Variants in ALK observed in about 807,000 individuals in gnomAD.
The protein encoded by ALK is ALK receptor tyrosine kinase, also known as ALK tyrosine kinase receptor.
A neutral mutation model predicts 163.1 loss-of-function variants in ALK; 74 were observed. The observed-to-expected ratio is 0.45, with a 90% confidence interval of 0.38 to 0.55. The LOEUF is 0.55. Ranked by LOEUF, ALK falls within the 20% of genes least tolerant of loss-of-function variation. ALK has a pLI of 0.00. For missense variants in ALK, 2,063 were observed against 2,105.3 expected, an observed-to-expected ratio of 0.98 and a Z score of 0.39; for synonymous variants, 960 against 843.2, an observed-to-expected ratio of 1.14 and a Z score of -2.40.
chr2:29,299,206 C>A (rs1451117838), intron 8 of ALK, among the ~76,000 whole-genome samples: 1 of 152,164 alleles, frequency 6.6e-6, no homozygotes. Context: ...AAGTGCCTCT[C>A]CCTCTCCACT....
At chr2:29,288,925 C>T (rs1200163633) in intron 9 of ALK, among the ~76,000 whole-genome samples, 1 of 141,342 alleles carries the variant, frequency 7.1e-6, no homozygotes, top group Non-Finnish European at 1.5e-5. Flanking sequence ...GCACTCCAGC[C>T]TGGGCGACAG....
At chr2:29,298,189 T>C (rs6738332) in intron 8 of ALK, among the ~76,000 whole-genome samples, 138,917 of 152,278 alleles carry the variant, frequency 0.91, 64,124 homozygotes, top group Non-Finnish European at 0.98. Context: ...AGGGACTGAT[T>C]TACTTCTGAG....
intron 3 of ALK, among the ~76,000 whole-genome samples, chr2:29,579,370 C>T (rs1674613994): frequency 1.3e-5 from 2 of 152,158 alleles, no homozygotes; most frequent in South Asian, 2.1e-4. Flanking sequence ...AAATAGTATC[C>T]GCTCTTCCTT....
chr2:29,793,223 G>A (rs764591540), intron 1 of ALK, among the ~76,000 whole-genome samples: 9 of 152,082 alleles, frequency 5.9e-5, no homozygotes, highest in African/African-American at 2.2e-4. Context: ...CATCTCATCC[G>A]TTCAAGTTTG....
intron 1 of ALK, among the ~76,000 whole-genome samples, chr2:29,822,764 T>C (rs1446456362): frequency 3.3e-5 from 5 of 152,250 alleles, no homozygotes; most frequent in Non-Finnish European, 7.3e-5. Flanking sequence ...AGCTGGATTA[T>C]AGTCCTTGCC....
intron 3 of ALK, among the ~76,000 whole-genome samples, chr2:29,608,280 C>T (rs1159255596): frequency 1.3e-5 from 2 of 152,216 alleles, no homozygotes; most frequent in Non-Finnish European, 2.9e-5. Flanking sequence ...TCTGTCTTCC[C>T]TCACTAGAAC....
intron 3 of ALK, among the ~76,000 whole-genome samples, chr2:29,535,341 C>CACCAGTGT (rs1435840117): frequency 2.0e-5 from 3 of 152,206 alleles, no homozygotes; most frequent in African/African-American, 7.2e-5. Flanking sequence ...TACCTCTGGT[C>CACCAGTGT]ACCAGTGTAG....
intron 3 of ALK, among the ~76,000 whole-genome samples, chr2:29,578,585 G>GT (rs1464632578): frequency 1.1e-4 from 16 of 152,174 alleles, no homozygotes; most frequent in Non-Finnish European, 7.3e-5. Flanking sequence ...GGGCTCCCAT[G>GT]TGAAGGCATT....
At chr2:29,232,280 G>C in intron 15 of ALK, 24 bp downstream of exon 15, 3 of 1,613,996 alleles carry the variant, frequency 1.9e-6, no homozygotes, top group Non-Finnish European at 2.5e-6. Flanking sequence ...GGTTCTGGGA[G>C]AGGGCACGCT....
At chr2:29,396,586 A>T (rs1669309508) in intron 4 of ALK, among the ~76,000 whole-genome samples, 1 of 152,142 alleles carries the variant, frequency 6.6e-6, no homozygotes, top group African/African-American at 2.4e-5. Context: ...AGGCAGGAGA[A>T]TCGCTTGAAC....
chr2:29,351,564 G>C (rs77752863), intron 5 of ALK, among the ~76,000 whole-genome samples: 3,792 of 152,246 alleles, frequency 0.025, 168 homozygotes, highest in African/African-American at 0.086. Context: ...CCAATTACTA[G>C]ACTGGCCACA....
chr2:29,763,104 A>T (rs1012972939), intron 1 of ALK, among the ~76,000 whole-genome samples: 1 of 151,744 alleles, frequency 6.6e-6, no homozygotes, highest in African/African-American at 2.4e-5. Context: ...AAAAAAAAAA[A>T]AAAATAGGAC....
intron 1 of ALK, among the ~76,000 whole-genome samples, chr2:29,863,678 A>G (rs1666352830): frequency 6.6e-6 from 1 of 152,202 alleles, no homozygotes; most frequent in Non-Finnish European, 1.5e-5. Flanking sequence ...TGTTGGTAAG[A>G]ATATAGATTA....
chr2:29,906,342 T>C (rs1337665527), intron 1 of ALK, among the ~76,000 whole-genome samples: 3 of 152,236 alleles, frequency 2.0e-5, no homozygotes, highest in Non-Finnish European at 4.4e-5. Context: ...GTTTTGTTCA[T>C]TGCTGTCTGT....
chr2:29,624,797 T>C (rs1290262985), intron 3 of ALK, among the ~76,000 whole-genome samples: 1 of 152,188 alleles, frequency 6.6e-6, no homozygotes, highest in Non-Finnish European at 1.5e-5. Flanking sequence ...GTAGGACTCA[T>C]TCCCTCTGCA....
Position 29,227,209 on chromosome 2 carries a change from CA to C in ALK, c.2915-136del. 8.7e-7 allele frequency: 1 copy of C among 1,156,006 alleles called. No homozygotes were observed. The highest frequency in any genetic ancestry group is 1.2e-5 in the South Asian group (1 of 80,016). 71.6% of individuals were successfully genotyped at this position (1,156,006 alleles called of 1,614,324 possible). A position where few individuals can be genotyped will look rare whatever the true frequency, so the allele number is the denominator to read the frequency against. Reference sequence around the variant, plus strand: ...CTAGGTCCCATAGCCACTGGAAGCACAACTGTGTAGAAGAGTCTTCCTGTGC... The same window carrying C: ...CTAGGTCCCATAGCCACTGGAAGCACACTGTGTAGAAGAGTCTTCCTGTGC... On this transcript the variant is annotated intron_variant, in intron 17 of 28. Transcript: ENST00000389048. The surrounding 1 kb of genome is among the most constrained non-coding windows in gnomAD (Gnocchi z 4.4).
At chr2:29,727,123 G>A (rs1275826499) in intron 1 of ALK, among the ~76,000 whole-genome samples, 2 of 152,186 alleles carry the variant, frequency 1.3e-5, no homozygotes, top group South Asian at 2.1e-4. Flanking sequence ...CCTTCCATCA[G>A]GGCAGCTGGC....
intron 3 of ALK, among the ~76,000 whole-genome samples, chr2:29,639,393 C>T (rs147610090): frequency 6.6e-6 from 1 of 152,294 alleles, no homozygotes; most frequent in Non-Finnish European, 1.5e-5. Flanking sequence ...GGACCACCCA[C>T]AGATAGGAAC....
rs556132667 is a variant in ALK, at chr2:29,532,308, T to G, written c.953-192A>C. Among the ~76,000 whole-genome samples the G allele has an allele frequency of 7.2e-5, 11 of 152,324 alleles. No individual in the cohort carries two copies. The South Asian group carries it at 2.3e-3, about 32-fold the overall frequency. The stretch of plus-strand genomic sequence containing the variant: ...TGTAAATAGTATAGCCTGATGCAGG[T>G]GGACAGTGGCTGGAGACATAGGCCT... On this transcript the variant is annotated intron_variant, in intron 3 of 28. Transcript: ENST00000389048.
Sources: allele counts gnomAD v4.1 joint callset (sites outside exome capture counted in the v4.1 genomes callset), GRCh38; gene constraint gnomAD v4.1.1; non-coding constraint Gnocchi (gnomAD v3.1); transcripts MANE v1.5; gene names NCBI Gene and HGNC (gene_info 2026-07-23, HGNC 2026-07-21).